PTPN14: variants seen among roughly 807,000 people sequenced by gnomAD.
PTPN14 encodes the protein tyrosine-protein phosphatase non-receptor type 14.
A neutral mutation model predicts 126.8 loss-of-function variants in PTPN14; 53 were observed. The observed-to-expected ratio is 0.42, with a 90% CI of 0.34 to 0.53. The LOEUF is 0.53. Among genes scored for constraint, PTPN14 ranks in the 20% least tolerant of loss-of-function variants. The probability of loss-of-function intolerance (pLI) is 0.08; values close to 1 mark genes in which losing one functional copy is unlikely to be tolerated. For missense variants in PTPN14, 1,257 were observed against 1,552.9 expected (o/e 0.81, Z 3.20); for synonymous variants, 630 against 599.3 (o/e 1.05, Z -0.75).
At chr1:214,521,723 A>ACC (rs1655260343) in intron 1 of PTPN14, among the ~76,000 whole-genome samples, 1 of 139,570 alleles carries the variant, frequency 7.2e-6, no homozygotes, top group Non-Finnish European at 1.5e-5. Flanking sequence ...CTCAAAGCAC[A>ACC]CCCACACACA....
intron 1 of PTPN14, among the ~76,000 whole-genome samples, chr1:214,548,647 CA>C (rs766214475): frequency 3.3e-5 from 5 of 152,110 alleles, no homozygotes; most frequent in Non-Finnish European, 7.4e-5. Context: ...ATATGGAACC[CA>C]GGGGGGCTAT....
intron 4 of PTPN14, 94 bp downstream of exon 4, chr1:214,414,535 T>C: frequency 8.8e-7 from 1 of 1,140,156 alleles, no homozygotes; most frequent in Non-Finnish European, 1.3e-6. Flanking sequence ...TAAGGGATCA[T>C]TTAAGTAAAT....
At chr1:214,471,404 C>T (rs1375576538) in intron 1 of PTPN14, among the ~76,000 whole-genome samples, 1 of 152,184 alleles carries the variant, frequency 6.6e-6, no homozygotes, top group Non-Finnish European at 1.5e-5. Context: ...CTTTTAGCCT[C>T]AGTCTACTCA....
At chr1:214,378,223 G>T in intron 13 of PTPN14, 121 bp from the exon 14 acceptor site, 1 of 1,295,894 alleles carries the variant, frequency 7.7e-7, no homozygotes, top group Non-Finnish European at 1.0e-6. Flanking sequence ...ACCATCAGTA[G>T]GGCAAATTCA....
chr1:214,391,091 T>C (rs1658741882), intron 10 of PTPN14, 46 bp from the exon 11 acceptor site: 1 of 1,413,814 alleles, frequency 7.1e-7, no homozygotes, highest in African/African-American at 1.4e-5. Context: ...ATTATTGATA[T>C]AAAAAGACCA....
chr1:214,446,503 C>G (rs1379945023), intron 3 of PTPN14, among the ~76,000 whole-genome samples: 1 of 152,112 alleles, frequency 6.6e-6, no homozygotes, highest in Admixed American at 6.5e-5. Context: ...TCCTAATTTT[C>G]TAATTTAAAC....
chr1:214,429,024 T>C lies in PTPN14; in HGVS notation c.345-14298A>G, dbSNP rs573623393. On this transcript the variant is annotated intron_variant, in intron 3 of 18. Transcript: ENST00000366956. ...CCTAGAGCCACCACCGACTTTACATTAGTAAACTAAGTCCAGTACATTTTC... is the reference window on the plus strand; with the variant it reads ...CCTAGAGCCACCACCGACTTTACATCAGTAAACTAAGTCCAGTACATTTTC... Among the ~76,000 whole-genome samples, 25 of 152,354 alleles carry C rather than the reference T, an allele frequency of 1.6e-4. No individual in the cohort carries two copies. The South Asian group carries it at 5.0e-3, about 30-fold the overall frequency.
intron 17 of PTPN14, among the ~76,000 whole-genome samples, chr1:214,365,722 C>T (rs1421662979): frequency 6.6e-6 from 1 of 152,142 alleles, no homozygotes; most frequent in African/African-American, 2.4e-5. Context: ...TATCTAATTA[C>T]AAAATAATCT....
At chr1:214,511,026 A>G (rs915017477) in intron 1 of PTPN14, among the ~76,000 whole-genome samples, 1 of 151,690 alleles carries the variant, frequency 6.6e-6, no homozygotes, top group Non-Finnish European at 1.5e-5. Flanking sequence ...ACAGGCACAC[A>G]TGCCACCAGG....
intron 6 of PTPN14, among the ~76,000 whole-genome samples, 177 bp from the exon 7 acceptor site, chr1:214,401,949 T>C (rs1659028372): frequency 6.6e-6 from 1 of 152,136 alleles, no homozygotes; most frequent in Non-Finnish European, 1.5e-5. Flanking sequence ...TCTTTCCCAG[T>C]AGCCTTTTAC....
At chr1:214,443,764 T>C (rs1305633638) in intron 3 of PTPN14, among the ~76,000 whole-genome samples, 1 of 152,122 alleles carries the variant, frequency 6.6e-6, no homozygotes, top group African/African-American at 2.4e-5. Context: ...GAGCATGGGG[T>C]ACTGTGCAAC....
At chr1:214,405,424 G>A (rs1391230747) in intron 5 of PTPN14, among the ~76,000 whole-genome samples, 1 of 152,070 alleles carries the variant, frequency 6.6e-6, no homozygotes, top group East Asian at 1.9e-4. Context: ...CTATCATAGG[G>A]CTTTTGTGCA....
chr1:214,531,062 A>G (rs1335104682), intron 1 of PTPN14: 1 of 152,224 alleles, frequency 6.6e-6, no homozygotes, highest in Non-Finnish European at 1.5e-5. Context: ...AGGGAGACTC[A>G]TATAAAGTGA....
intron 10 of PTPN14, among the ~76,000 whole-genome samples, chr1:214,393,064 C>T (rs1658795234): frequency 6.6e-6 from 1 of 152,310 alleles, no homozygotes; most frequent in Admixed American, 6.5e-5. Context: ...AGAGTGAGCC[C>T]CAGCACGCTC....
intron 1 of PTPN14, among the ~76,000 whole-genome samples, chr1:214,491,092 A>G (rs931420321): frequency 3.3e-5 from 5 of 151,968 alleles, no homozygotes; most frequent in African/African-American, 4.8e-5. Context: ...AAAGAAAGAC[A>G]AATTGCTTAA....
intron 7 of PTPN14, 21 bp from the exon 8 acceptor site, chr1:214,398,022 A>G: frequency 5.1e-6 from 8 of 1,555,668 alleles, no homozygotes; most frequent in Non-Finnish European, 6.2e-6. Flanking sequence ...CCAACAAAAG[A>G]TACTTGTGAT....
intron 1 of PTPN14, among the ~76,000 whole-genome samples, chr1:214,526,489 A>C (rs1466643496): frequency 6.6e-6 from 1 of 152,146 alleles, no homozygotes; most frequent in Non-Finnish European, 1.5e-5. Flanking sequence ...GACTACCCTT[A>C]GAATCTGTTA....
At chr1:214,388,623 G>A (rs2102545772) in intron 11 of PTPN14, among the ~76,000 whole-genome samples, 1 of 152,196 alleles carries the variant, frequency 6.6e-6, no homozygotes, top group East Asian at 1.9e-4. Flanking sequence ...GGCCAGGCTG[G>A]TCTTGAACTC....
At chr1:214,473,873 C>T (rs1452349881) in intron 1 of PTPN14, among the ~76,000 whole-genome samples, 1 of 152,114 alleles carries the variant, frequency 6.6e-6, no homozygotes, top group Non-Finnish European at 1.5e-5. Flanking sequence ...TGTACAGTAC[C>T]CAAATCATAT....
Sources: allele counts gnomAD v4.1 joint callset (sites outside exome capture counted in the v4.1 genomes callset), GRCh38; gene constraint gnomAD v4.1.1; transcripts MANE v1.5; gene names NCBI Gene and HGNC (gene_info 2026-07-23, HGNC 2026-07-21).